Variants in NDUFB5 observed in about 807,000 individuals in gnomAD.
The protein encoded by NDUFB5 is NADH:ubiquinone oxidoreductase subunit B5.
In NDUFB5, 19 loss-of-function variants were observed where a neutral mutation model predicts 19.4. That is an observed-to-expected ratio of 0.98 (90% CI 0.68 to 1.43). NDUFB5 has a LOEUF of 1.43. NDUFB5 is among the 40% of genes most tolerant of loss of function. The pLI, the probability that NDUFB5 is intolerant of heterozygous loss-of-function variation, is 0.00. For synonymous variants in NDUFB5, 80 were observed against 82.6 expected (o/e 0.97, Z 0.17); for missense variants, 233 against 236.5 (o/e 0.99, Z 0.10).
intron 1 of NDUFB5, chr3:179,607,723 G>C (rs1268679792): frequency 4.3e-6 from 3 of 700,870 alleles, no homozygotes; most frequent in Non-Finnish European, 7.8e-6. Context: ...CTCTGTATCC[G>C]TTAAACAATA....
In NDUFB5 at chr3:179,616,050, G is replaced by A. The variant is rs772684498; in HGVS notation, c.280+1G>A. ...ATAACTCTGGTGAATGTATTCATTG[G>A]TAAGTCACTTCCATCCCCTGCCAGC... On this transcript the variant is annotated splice_donor_variant, in intron 3 of 5. Transcript: ENST00000259037. LOFTEE classifies it high-confidence loss of function. 6.2e-7 allele frequency: 1 copy of A among 1,612,656 alleles called. No individual in the cohort carries two copies. Among genetic ancestry groups the A allele is most frequent in the South Asian group, 1.1e-5 (1 of 90,908 alleles).
intron 5 of NDUFB5, 56 bp downstream of exon 5, chr3:179,618,577 C>G (rs1199721771): frequency 8.5e-7 from 1 of 1,170,258 alleles, no homozygotes; most frequent in South Asian, 1.3e-5. Flanking sequence ...TAGCAAACCA[C>G]CAGAAAAAAT....
chr3:179,609,991 T>G (rs1236667543), intron 1 of NDUFB5, among the ~76,000 whole-genome samples: 1 of 152,200 alleles, frequency 6.6e-6, no homozygotes, highest in African/African-American at 2.4e-5. Flanking sequence ...ATGTTGCCCA[T>G]GCTGAACTTG....
intron 5 of NDUFB5, among the ~76,000 whole-genome samples, chr3:179,620,737 A>G (rs533013871): frequency 7.9e-5 from 12 of 152,144 alleles, no homozygotes; most frequent in Admixed American, 2.0e-4. Flanking sequence ...GTTTTTTGCT[A>G]TTGTACATAC....
chr3:179,621,362 C>T (rs1268010746), intron 5 of NDUFB5, among the ~76,000 whole-genome samples: 2 of 152,158 alleles, frequency 1.3e-5, no homozygotes, highest in Non-Finnish European at 2.9e-5. Flanking sequence ...CAGGCGTGAG[C>T]CACTGCACCT....
chr3:179,607,676 C>T, intron 1 of NDUFB5: 1 of 687,116 alleles, frequency 1.5e-6, no homozygotes, highest in Admixed American at 2.1e-5. Context: ...TCACCATCAT[C>T]CAACTCCAGA....
At chr3:179,618,346 G>A in intron 4 of NDUFB5, 69 bp from the exon 5 acceptor site, 1 of 934,788 alleles carries the variant, frequency 1.1e-6, no homozygotes, top group South Asian at 1.5e-5. Context: ...TCATTTTAAA[G>A]AATAGTCAAC....
Position 179,625,774 on chromosome 3 carries a change from A to G in NDUFB5, c.*1734A>G, listed in dbSNP as rs938980130. On this transcript the variant is annotated 3_prime_UTR_variant, in exon 6 of 6. Coordinates refer to ENST00000259037, the MANE Select transcript of NDUFB5 (RefSeq NM_002492.4). ...CATGAGACCCATTTTTTAATCTCCC[A>G]CATATGAGTGAGAACATTCAATATT... 1 of 152,130 alleles carries G rather than the reference A, an allele frequency of 6.6e-6. No individual in the cohort carries two copies. Among genetic ancestry groups the G allele is most frequent in the Non-Finnish European group, 1.5e-5 (1 of 68,032 alleles). 9.4% of individuals were successfully genotyped at this position (152,130 alleles called of 1,614,324 possible).
chr3:179,613,020 G>C (rs570631421), intron 1 of NDUFB5, among the ~76,000 whole-genome samples: 1 of 152,256 alleles, frequency 6.6e-6, no homozygotes, highest in Non-Finnish European at 1.5e-5. Flanking sequence ...GGGAGTTCCA[G>C]GCGGAACTTC....
At chr3:179,623,899 T>C in intron 5 of NDUFB5, 21 bp from the exon 6 acceptor site, 1 of 1,613,258 alleles carries the variant, frequency 6.2e-7, no homozygotes. Flanking sequence ...AATCTCAATA[T>C]TGCTGTTCCA....
At position 179,624,347 on chromosome 3, in the gene NDUFB5, C is replaced by A. The variant is rs920452812; in HGVS notation, c.*307C>A. 4 of 219,716 alleles carry A rather than the reference C, an allele frequency of 1.8e-5. No homozygotes were observed. The highest frequency in any genetic ancestry group is 9.4e-5 in the African/African-American group (4 of 42,334). 13.6% of individuals were successfully genotyped at this position (219,716 alleles called of 1,614,324 possible). ...ATAGAAGTCTAATAATGTTAAGCAC[C>A]AGTAATTATAGTATTTTGTACAAAT... On this transcript the variant is annotated 3_prime_UTR_variant, in exon 6 of 6. Transcript: ENST00000259037.
chr3:179,605,834 C>T (rs1719078565), intron 1 of NDUFB5, among the ~76,000 whole-genome samples: 1 of 151,688 alleles, frequency 6.6e-6, no homozygotes, highest in African/African-American at 2.4e-5. Context: ...CTCTGTCACC[C>T]AGGCTGGAGT....
chr3:179,615,012 G>A lies in NDUFB5; in HGVS notation c.166G>A (p.Val56Ile). Residue 56 changes from valine to isoleucine, a missense_variant, in exon 2 of 6, where the codon GTC becomes ATC. Physicochemically the swap from Val to Ile is conservative, Grantham distance 29. Coordinates refer to ENST00000259037, the MANE Select transcript of NDUFB5 (RefSeq NM_002492.4). ...HSGDHGKRLF[V>I]IRPSRFYDRR... ...TGGAGACCATGGGAAAAGACTATTT[G>A]TCATCAGACCTTCTAGATTCTATGA... 1 of 1,609,844 alleles carries A rather than the reference G, an allele frequency of 6.2e-7. No homozygotes were observed. Among genetic ancestry groups the A allele is most frequent in the Non-Finnish European group, 8.5e-7 (1 of 1,177,228 alleles).
chr3:179,606,431 T>G (rs1719103682), intron 1 of NDUFB5, among the ~76,000 whole-genome samples: 1 of 152,156 alleles, frequency 6.6e-6, no homozygotes, highest in Non-Finnish European at 1.5e-5. Flanking sequence ...CTCTGCCTCC[T>G]GCGTTCAGGC....
rs1339140267 is a variant in NDUFB5 at position 179,627,404 on chromosome 3, G to A, written c.*3364G>A. The A allele has an allele frequency of 6.6e-6, 1 of 152,158 alleles. No individual in the cohort carries two copies. The highest frequency in any genetic ancestry group is 2.4e-5 in the African/African-American group (1 of 41,432). 9.4% of individuals were successfully genotyped at this position (152,158 alleles called of 1,614,324 possible). On this transcript the variant is annotated 3_prime_UTR_variant, in exon 6 of 6. Coordinates refer to ENST00000259037, the MANE Select transcript of NDUFB5 (RefSeq NM_002492.4). ...TAGCTGTGCAGCTGCAAGGTCACTA[G>A]ACAGATAAACTCAAGTCGCAAAACA...
chr3:179,612,499 A>G (rs1402189580), intron 1 of NDUFB5, among the ~76,000 whole-genome samples: 2 of 130,246 alleles, frequency 1.5e-5, no homozygotes, highest in Non-Finnish European at 3.1e-5. Flanking sequence ...TTTTTTTGAG[A>G]CAGAGTCTCA....
Position 179,623,995 on chromosome 3 carries a change from C to T in NDUFB5, c.525C>T (p.Asp175=). The T allele has an allele frequency of 6.2e-7, 1 of 1,613,880 alleles. No individual in the cohort carries two copies. Among genetic ancestry groups the T allele is most frequent in the Non-Finnish European group, 8.5e-7 (1 of 1,179,878 alleles). ...DGPWYYYETI[D]KELIDHSPKA... ...CCTGGTATTACTATGAGACAATTGA[C>T]AAGGAACTTATTGATCATTCTCCGA... is the stretch of plus-strand genomic sequence containing the variant. The change falls in exon 6 of 6, where the codon GAC becomes GAT. Residue 175 remains aspartate (D), a synonymous_variant. Coordinates refer to ENST00000259037, the MANE Select transcript of NDUFB5 (RefSeq NM_002492.4).
chr3:179,612,762 C>G (rs552808492), intron 1 of NDUFB5, among the ~76,000 whole-genome samples: 1 of 152,096 alleles, frequency 6.6e-6, no homozygotes, highest in Non-Finnish European at 1.5e-5. Context: ...AGGCGTGAGC[C>G]GCCGCGCTCA....
In NDUFB5 at chr3:179,616,122, AAAG is replaced by A. The variant is rs996695475; in HGVS notation, c.280+76_280+78del. The A allele has an allele frequency of 3.7e-6, 4 of 1,067,770 alleles. No homozygotes were observed. In the African/African-American group the frequency reaches 6.5e-5, roughly 17 times the overall value. The allele number at this position is 1,067,770 out of a possible 1,614,324, so 66.1% of individuals were successfully genotyped here. A position where few individuals can be genotyped will look rare whatever the true frequency, so the allele number is the denominator to read the frequency against. On this transcript the variant is annotated intron_variant, in intron 3 of 5. Coordinates refer to ENST00000259037, the MANE Select transcript of NDUFB5 (RefSeq NM_002492.4). Reference sequence around the variant, plus strand: ...TTAAACATATGTACATTAATATAAAAAAGAAATTATGGATATTGTAATGAAAAG... The same window carrying A: ...TTAAACATATGTACATTAATATAAAAAAATTATGGATATTGTAATGAAAAG...
Sources: allele counts gnomAD v4.1 joint callset (sites outside exome capture counted in the v4.1 genomes callset), GRCh38; gene constraint gnomAD v4.1.1; transcripts MANE v1.5; gene names NCBI Gene and HGNC (gene_info 2026-07-23, HGNC 2026-07-21).